The following UBE3C variants were observed in gnomAD, a reference collection of about 807,000 sequenced individuals.
The protein encoded by UBE3C is ubiquitin-protein ligase E3C.
A neutral mutation model predicts 129.4 loss-of-function variants in UBE3C; 42 were observed. The observed-to-expected ratio is 0.32, with a 90% CI of 0.25 to 0.42. The LOEUF (loss-of-function observed/expected upper bound fraction) is 0.42. Ranked by LOEUF, UBE3C falls within the 10% of genes least tolerant of loss-of-function variation. The pLI is 1.00. For synonymous variants in UBE3C, 510 were observed against 492.4 expected, an observed-to-expected ratio of 1.04 and a Z score of -0.47; for missense variants, 1,049 against 1,319.1, an observed-to-expected ratio of 0.80 and a Z score of 3.17.
chr7:157,223,242 A>T lies in UBE3C; in HGVS notation c.2003-12A>T. ...ACAAGTGAACTAATTAAGGTTTTAA[A>T]ATGTGTTTTAGTGGGTTTGGAGTCC... On this transcript the variant is annotated splice_polypyrimidine_tract_variant and intron_variant, in intron 15 of 22. Transcript: ENST00000348165. 6.2e-7 allele frequency: 1 copy of T among 1,613,930 alleles called. No homozygotes were observed. The highest frequency in any genetic ancestry group is 8.5e-7 in the Non-Finnish European group (1 of 1,179,840).
intron 4 of UBE3C, among the ~76,000 whole-genome samples, chr7:157,173,039 A>T (rs1040174777): frequency 1.3e-5 from 2 of 152,210 alleles, no homozygotes; most frequent in African/African-American, 4.8e-5. Context: ...CTGAAACCTG[A>T]AATAGAATTA....
intron 21 of UBE3C, among the ~76,000 whole-genome samples, chr7:157,255,307 C>G (rs1348861117): frequency 6.6e-6 from 1 of 152,222 alleles, no homozygotes; most frequent in Non-Finnish European, 1.5e-5. Flanking sequence ...TAGCTGTCTA[C>G]TGGTGCAAGT....
chr7:157,164,915 C>T (rs901487634), intron 2 of UBE3C, among the ~76,000 whole-genome samples: 1 of 152,112 alleles, frequency 6.6e-6, no homozygotes, highest in African/African-American at 2.4e-5. Flanking sequence ...GAGGTGGTTA[C>T]AGTGAAAAGA....
chr7:157,144,650 T>G (rs1224727103), intron 1 of UBE3C, among the ~76,000 whole-genome samples: 2 of 151,632 alleles, frequency 1.3e-5, no homozygotes, highest in African/African-American at 4.9e-5. Context: ...ATAGTGGGAG[T>G]AGAATTAAGA....
At chr7:157,187,996 A>G (rs1332950640) in intron 10 of UBE3C, among the ~76,000 whole-genome samples, 1 of 152,232 alleles carries the variant, frequency 6.6e-6, no homozygotes, top group East Asian at 1.9e-4. Flanking sequence ...AGTTAAAAAT[A>G]TGGCCTGTTT....
intron 1 of UBE3C, among the ~76,000 whole-genome samples, chr7:157,147,890 A>T (rs1170936325): frequency 1.3e-5 from 2 of 152,202 alleles, no homozygotes; most frequent in Non-Finnish European, 2.9e-5. Context: ...AATAAATCCC[A>T]CTTGACTGTG....
rs67483339 is a variant in UBE3C at position 157,157,973 on chromosome 7, G to GAT, written c.67-5823_67-5822dup. The stretch of plus-strand genomic sequence containing the variant: ...CCAGCCTGGGCAACAGATATATATA[G>GAT]ATATATATATATATAGAGAGAGAGA... On this transcript the variant is annotated intron_variant, in intron 1 of 22. Transcript: ENST00000348165. Among the ~76,000 whole-genome samples the GAT allele has an allele frequency of 3.3e-3, 471 of 142,202 alleles. 2 individuals carry two copies. The highest frequency in any genetic ancestry group is 9.7e-3 in the East Asian group (47 of 4,842). The allele number at this position is 142,202 out of a possible 152,430, so 93.3% of individuals were successfully genotyped here.
intron 10 of UBE3C, among the ~76,000 whole-genome samples, chr7:157,200,556 T>A (rs922212029): frequency 6.6e-6 from 1 of 152,382 alleles, no homozygotes; most frequent in Admixed American, 6.5e-5. Context: ...AAAACAGAGC[T>A]AATTTAAATG....
At chr7:157,248,752 G>A (rs1796544211) in intron 19 of UBE3C, 172 bp downstream of exon 19, 6 of 668,304 alleles carry the variant, frequency 9.0e-6, no homozygotes, top group East Asian at 8.7e-5. Context: ...TAGCCCTGGC[G>A]TCTGAGCTGA....
Position 157,220,791 on chromosome 7 carries a change from AC to A in UBE3C, c.2002+16del. ...CACCCTGGACGGTGAGTTCTCTAGG[AC>A]ACAGGGTTACTGAGGTATGAATTAC... On this transcript the variant is annotated intron_variant, in intron 15 of 22. Transcript: ENST00000348165. 1.2e-6 allele frequency: 2 copies of A among 1,613,614 alleles called. No individual in the cohort carries two copies. Among genetic ancestry groups the A allele is most frequent in the Non-Finnish European group, 1.7e-6 (2 of 1,179,642 alleles).
intron 10 of UBE3C, chr7:157,197,692 T>C: frequency 2.5e-6 from 4 of 1,609,642 alleles, no homozygotes; most frequent in Non-Finnish European, 3.4e-6. Context: ...GGAAATGAAG[T>C]CACAAGAATA....
intron 19 of UBE3C, among the ~76,000 whole-genome samples, chr7:157,252,979 G>T (rs898199083): frequency 1.3e-5 from 2 of 152,124 alleles, no homozygotes; most frequent in East Asian, 3.8e-4. Flanking sequence ...GGATCCTCTT[G>T]CCTTGGCCTC....
chr7:157,144,798 G>T (rs6967012), intron 1 of UBE3C, among the ~76,000 whole-genome samples: 15,464 of 152,116 alleles, frequency 0.1, 901 homozygotes, highest in African/African-American at 0.14. Flanking sequence ...TCTATTACTA[G>T]CATCTGGCAT....
chr7:157,226,035 T>C (rs1393873180), intron 17 of UBE3C, among the ~76,000 whole-genome samples: 1 of 152,162 alleles, frequency 6.6e-6, no homozygotes, highest in African/African-American at 2.4e-5. Flanking sequence ...CAGAAGCCTT[T>C]AAAAAATATT....
rs756722294 is a variant in UBE3C at position 157,207,848 on chromosome 7, A to G, written c.1722A>G (p.Thr574=). Residue 574 remains threonine, a synonymous_variant, in exon 13 of 23, where the codon ACA becomes ACG. Transcript: ENST00000348165. ...CAGAAGTTCGAGAAGAATATATTACAGCATTTCAGAGTATTGGAGTTACTA... is the reference window on the plus strand; with the variant it reads ...CAGAAGTTCGAGAAGAATATATTACGGCATTTCAGAGTATTGGAGTTACTA... ...TKPEVREEYI[T]AFQSIGVTTS... 1.9e-5 allele frequency: 31 copies of G among 1,613,946 alleles called. No individual in the cohort carries two copies. Among genetic ancestry groups the G allele is most frequent in the East Asian group, 6.7e-5 (3 of 44,894 alleles).
chr7:157,149,762 G>A lies in UBE3C; in HGVS notation c.66+10424G>A, dbSNP rs3779604. Among the ~76,000 whole-genome samples the A allele has an allele frequency of 3.3e-3, 508 of 152,290 alleles. 15 individuals are homozygous for A. The South Asian group carries it at 0.046, about 14-fold the overall frequency. On this transcript the variant is annotated intron_variant, in intron 1 of 22. Coordinates refer to ENST00000348165, the MANE Select transcript of UBE3C (RefSeq NM_014671.3). ...GAAGTTCTTGCAAAAGCTGTAAGGA[G>A]CTTCACTCTGTGACTTTTCTTTAAT...
At chr7:157,219,728 A>G (rs957798464) in intron 14 of UBE3C, among the ~76,000 whole-genome samples, 1 of 152,082 alleles carries the variant, frequency 6.6e-6, no homozygotes, top group Admixed American at 6.5e-5. Flanking sequence ...GTGAAACCCC[A>G]TCTCTGCTAA....
rs188117796 is a variant in UBE3C, at chr7:157,238,033, C to T, written c.2481+6706C>T. On this transcript the variant is annotated intron_variant, in intron 18 of 22. Transcript: ENST00000348165. ...CACCACCACACTCCAGCCTGGGTGA[C>T]AGAGACCCTGTCTCAAAATAATAAT... Among the ~76,000 whole-genome samples the T allele has an allele frequency of 2.0e-5, 3 of 152,254 alleles. No homozygotes were observed. In the East Asian group the frequency reaches 5.8e-4, roughly 29 times the overall value.
intron 18 of UBE3C, among the ~76,000 whole-genome samples, chr7:157,247,960 C>T (rs1360733593): frequency 2.6e-5 from 4 of 152,254 alleles, no homozygotes; most frequent in South Asian, 2.1e-4. Context: ...AGCTGCGAGG[C>T]GTGAGTTCAT....
Sources: allele counts gnomAD v4.1 joint callset (sites outside exome capture counted in the v4.1 genomes callset), GRCh38; gene constraint gnomAD v4.1.1; transcripts MANE v1.5; gene names NCBI Gene and HGNC (gene_info 2026-07-23, HGNC 2026-07-21).